The following AGBL1 variants were observed in gnomAD, a reference collection of about 807,000 sequenced individuals.
AGBL1 encodes the protein AGBL carboxypeptidase 1.
Under a neutral mutation model 118.9 loss-of-function variants are expected in AGBL1, and 130 were observed. That is an observed-to-expected ratio of 1.09 (90% CI 0.95 to 1.26). The LOEUF (loss-of-function observed/expected upper bound fraction) is 1.26, where lower values mean the gene tolerates loss of function less well. AGBL1 is among the 50% of genes most tolerant of loss of function. The pLI is 0.00. For missense variants in AGBL1, 1,584 were observed against 1,298.1 expected (o/e 1.22, Z -3.38); for synonymous variants, 555 against 478.9 (o/e 1.16, Z -2.08).
intron 18 of AGBL1, among the ~76,000 whole-genome samples, chr15:86,495,663 A>G (rs2082842313): frequency 6.6e-6 from 1 of 151,912 alleles, no homozygotes; most frequent in South Asian, 2.1e-4. Context: ...TGATTAAACA[A>G]CCTGGTCTCT....
chr15:86,816,397 C>G (rs1011064514), intron 22 of AGBL1, among the ~76,000 whole-genome samples: 3 of 152,168 alleles, frequency 2.0e-5, no homozygotes, highest in African/African-American at 7.2e-5. Flanking sequence ...CTTTCAGTGC[C>G]AAGATTCTTT....
At chr15:86,770,876 G>A (rs1230537003) in intron 22 of AGBL1, among the ~76,000 whole-genome samples, 1 of 152,024 alleles carries the variant, frequency 6.6e-6, no homozygotes, top group Non-Finnish European at 1.5e-5. Flanking sequence ...AGGGCAGGGA[G>A]GCCAGTCCTT....
intron 17 of AGBL1, among the ~76,000 whole-genome samples, chr15:86,320,637 G>A (rs1460701380): frequency 1.3e-5 from 2 of 151,826 alleles, no homozygotes; most frequent in Non-Finnish European, 2.9e-5. Flanking sequence ...GTGATAGTGA[G>A]TATTTTTGTA....
chr15:86,826,976 G>T (rs1344933688), intron 22 of AGBL1, among the ~76,000 whole-genome samples: 2 of 151,838 alleles, frequency 1.3e-5, no homozygotes, highest in Non-Finnish European at 2.9e-5. Context: ...TTGTAGCAAT[G>T]TCTGAGATCA....
intron 17 of AGBL1, among the ~76,000 whole-genome samples, chr15:86,333,860 A>C (rs1444238980): frequency 1.3e-5 from 2 of 152,208 alleles, no homozygotes; most frequent in African/African-American, 4.8e-5. Flanking sequence ...TTCATTCCTG[A>C]GAAGCAAGGT....
chr15:86,413,782 C>A (rs60789370), intron 18 of AGBL1, among the ~76,000 whole-genome samples: 1 of 151,884 alleles, frequency 6.6e-6, no homozygotes, highest in African/African-American at 2.4e-5. Flanking sequence ...AGTCCCTTTT[C>A]GGATGGATAG....
chr15:86,751,267 C>T (rs1272117083), intron 22 of AGBL1, among the ~76,000 whole-genome samples: 2 of 152,072 alleles, frequency 1.3e-5, no homozygotes, highest in African/African-American at 4.8e-5. Flanking sequence ...CCTTTTTCTT[C>T]ACAACCTTGC....
At chr15:86,824,630 C>T (rs1468764074) in intron 22 of AGBL1, among the ~76,000 whole-genome samples, 1 of 151,424 alleles carries the variant, frequency 6.6e-6, no homozygotes, top group African/African-American at 2.4e-5. Context: ...GTAGCTAAAA[C>T]AATTTTGACC....
intron 22 of AGBL1, among the ~76,000 whole-genome samples, chr15:86,852,343 C>G (rs1414558606): frequency 2.0e-5 from 3 of 152,180 alleles, no homozygotes; most frequent in East Asian, 3.9e-4. Flanking sequence ...ACACCTCCCT[C>G]TCTCCACACA....
Position 86,569,571 on chromosome 15 carries a change from G to A in AGBL1, c.2994+15034G>A, listed in dbSNP as rs527899706. 6.2e-4 allele frequency among the ~76,000 whole-genome samples: 94 copies of A among 152,104 alleles called. 1 individual carries two copies. In the South Asian group the frequency reaches 0.015, roughly 24 times the overall value. On this transcript the variant is annotated intron_variant, in intron 21 of 22. Coordinates refer to ENST00000614907, the MANE Select transcript of AGBL1 (RefSeq NM_001386094.1). ...GTTTTGTTTTTAGAAAAACTTCTTC[G>A]GATATGATCTCAAAGCACACTATGA...
intron 21 of AGBL1, among the ~76,000 whole-genome samples, chr15:86,642,882 C>T (rs1424466277): frequency 6.6e-6 from 1 of 152,098 alleles, no homozygotes; most frequent in Non-Finnish European, 1.5e-5. Context: ...TAATATTACA[C>T]ATACTAGAAA....
At chr15:86,906,085 C>A (rs2080276751) in intron 22 of AGBL1, among the ~76,000 whole-genome samples, 1 of 152,134 alleles carries the variant, frequency 6.6e-6, no homozygotes, top group African/African-American at 2.4e-5. Context: ...TGCTGATTAC[C>A]CATTTTCATT....
At chr15:86,169,445 A>G (rs2077385266) in intron 5 of AGBL1, among the ~76,000 whole-genome samples, 1 of 152,202 alleles carries the variant, frequency 6.6e-6, no homozygotes, top group Non-Finnish European at 1.5e-5. Flanking sequence ...GATAAAGTAC[A>G]CAGGATTTTT....
In AGBL1 at chr15:86,988,068, CCTT is replaced by C. The variant is rs1459888594; in HGVS notation, c.3309_3311del (p.Leu1104del). 2.3e-5 allele frequency: 37 copies of C among 1,613,444 alleles called. No homozygotes were observed. The East Asian group carries it at 7.6e-4, about 33-fold the overall frequency. Reference sequence around the variant, plus strand: ...CCATTACAAACTTTTTCAAGATGAACCTTCTTCTGCATGTCTCCCCGTGAGTAT... The same window carrying C: ...CCATTACAAACTTTTTCAAGATGAACCTTCTGCATGTCTCCCCGTGAGTAT... On this transcript the variant is annotated inframe_deletion, in exon 24 of 25. Coordinates refer to the AGBL1 transcript ENST00000441037.
intron 5 of AGBL1, among the ~76,000 whole-genome samples, chr15:86,205,945 A>G (rs891213703): frequency 3.3e-5 from 5 of 152,304 alleles, no homozygotes; most frequent in South Asian, 4.1e-4. Context: ...CGTCATTTAC[A>G]TTAGGTATTT....
At chr15:86,600,816 C>T (rs2142370374) in intron 21 of AGBL1, among the ~76,000 whole-genome samples, 1 of 152,192 alleles carries the variant, frequency 6.6e-6, no homozygotes, top group East Asian at 1.9e-4. Flanking sequence ...AATGGGCTGA[C>T]TTGTTCTTTC....
intron 16 of AGBL1, among the ~76,000 whole-genome samples, chr15:86,286,015 C>G (rs1034935317): frequency 5.9e-5 from 9 of 151,950 alleles, no homozygotes; most frequent in Admixed American, 2.6e-4. Flanking sequence ...AGTTTGATAT[C>G]AGGCACCAAA....
At chr15:86,828,884 A>G (rs896593527) in intron 22 of AGBL1, among the ~76,000 whole-genome samples, 1 of 146,414 alleles carries the variant, frequency 6.8e-6, no homozygotes, top group African/African-American at 2.5e-5. Flanking sequence ...ATACAGTCAT[A>G]TATAATTCAT....
chr15:86,205,110 G>C (rs1207972905), intron 5 of AGBL1, among the ~76,000 whole-genome samples: 2 of 152,176 alleles, frequency 1.3e-5, no homozygotes. Context: ...TATGTTGGGG[G>C]TAATGTCATC....
Sources: allele counts gnomAD v4.1 joint callset (sites outside exome capture counted in the v4.1 genomes callset), GRCh38; gene constraint gnomAD v4.1.1; transcripts MANE v1.5; gene names NCBI Gene and HGNC (gene_info 2026-07-23, HGNC 2026-07-21).